The following CDH2 variants were observed in gnomAD, a reference collection of about 807,000 sequenced individuals.
CDH2 encodes cadherin 2.
Under a neutral mutation model 92.0 loss-of-function variants are expected in CDH2, and 17 were observed. The observed-to-expected ratio is 0.18, with a 90% CI of 0.13 to 0.28. The LOEUF (loss-of-function observed/expected upper bound fraction) is 0.28. Ranked by LOEUF, CDH2 falls within the 10% of genes least tolerant of loss-of-function variation. The pLI is 1.00. For missense variants in CDH2, 862 were observed against 1,133.1 expected (o/e 0.76, Z 3.44); for synonymous variants, 419 against 415.9 (o/e 1.01, Z -0.09).
intron 14 of CDH2, among the ~76,000 whole-genome samples, chr18:27,971,713 C>G (rs1485386743): frequency 2.6e-5 from 4 of 152,114 alleles, no homozygotes; most frequent in Non-Finnish European, 5.9e-5. Flanking sequence ...CAGAATCTTT[C>G]AATAACTAAT....
intron 2 of CDH2, among the ~76,000 whole-genome samples, chr18:28,042,524 C>T (rs2013967733): frequency 6.6e-6 from 1 of 152,154 alleles, no homozygotes; most frequent in African/African-American, 2.4e-5. Flanking sequence ...CAAGTTGTCT[C>T]ACTTTAACAT....
chr18:27,985,839 C>T, intron 11 of CDH2, 78 bp from the exon 12 acceptor site: 1 of 829,318 alleles, frequency 1.2e-6, no homozygotes, highest in Non-Finnish European at 1.9e-6. Context: ...ATTCTCAAAG[C>T]TTCTAACCTT....
intron 1 of CDH2, among the ~76,000 whole-genome samples, chr18:28,156,297 T>A (rs1023920083): frequency 6.6e-6 from 1 of 152,212 alleles, no homozygotes; most frequent in Non-Finnish European, 1.5e-5. Context: ...ACCTGCAAAC[T>A]GTTGAAACTG....
At chr18:28,106,950 T>C (rs2015332352) in intron 2 of CDH2, among the ~76,000 whole-genome samples, 1 of 152,126 alleles carries the variant, frequency 6.6e-6, no homozygotes, top group African/African-American at 2.4e-5. Context: ...ACTGATTAAA[T>C]ACATACTCAC....
At chr18:28,013,243 C>A (rs1170973672) in intron 3 of CDH2, among the ~76,000 whole-genome samples, 1 of 151,928 alleles carries the variant, frequency 6.6e-6, no homozygotes. Context: ...TAATTCATAC[C>A]CCCCAACTGG....
At chr18:28,144,215 C>T (rs977784424) in intron 2 of CDH2, among the ~76,000 whole-genome samples, 1 of 151,284 alleles carries the variant, frequency 6.6e-6, no homozygotes, top group South Asian at 2.1e-4. Flanking sequence ...GATCTCTGAG[C>T]TCTAATTTGC....
intron 2 of CDH2, among the ~76,000 whole-genome samples, chr18:28,058,223 G>T (rs2014333478): frequency 6.6e-6 from 1 of 152,118 alleles, no homozygotes; most frequent in Non-Finnish European, 1.5e-5. Context: ...TGATACCAAG[G>T]CATATTTTTA....
At chr18:27,957,530 G>T (rs2143868603) in intron 15 of CDH2, among the ~76,000 whole-genome samples, 1 of 152,188 alleles carries the variant, frequency 6.6e-6, no homozygotes, top group Admixed American at 6.5e-5. Flanking sequence ...GGGATTACAG[G>T]TGTGAGCTGC....
chr18:28,033,155 G>A (rs946224962), intron 2 of CDH2, among the ~76,000 whole-genome samples: 10 of 152,014 alleles, frequency 6.6e-5, no homozygotes, highest in Admixed American at 3.3e-4. Flanking sequence ...GGGCATGGAC[G>A]CCAGGCAGTG....
chr18:28,004,655 G>A (rs1396152306), intron 6 of CDH2, among the ~76,000 whole-genome samples: 1 of 152,062 alleles, frequency 6.6e-6, no homozygotes, highest in Non-Finnish European at 1.5e-5. Flanking sequence ...AGTCCCAAAA[G>A]CCCAATGTTT....
rs145613343 is a variant in CDH2 at position 28,138,544 on chromosome 18, C to T, written c.172+9129G>A. ...AGAAGAGTAAACAAGAATCCTCAAA[C>T]ATCACTGAAGAAATTGTTTGATGTT... On this transcript the variant is annotated intron_variant, in intron 2 of 15. Transcript: ENST00000269141. Among the ~76,000 whole-genome samples, 738 of 152,158 alleles carry T rather than the reference C, an allele frequency of 4.9e-3. 5 individuals are homozygous for T. The highest frequency in any genetic ancestry group is 8.0e-3 in the Non-Finnish European group (547 of 67,970).
At chr18:28,071,448 A>C (rs1200826906) in intron 2 of CDH2, among the ~76,000 whole-genome samples, 2 of 152,104 alleles carry the variant, frequency 1.3e-5, no homozygotes, top group East Asian at 3.9e-4. Context: ...AGTGGGAGGG[A>C]CATTCTGTCC....
chr18:27,966,775 T>A (rs1402967562), intron 14 of CDH2, among the ~76,000 whole-genome samples: 1 of 152,210 alleles, frequency 6.6e-6, no homozygotes, highest in Non-Finnish European at 1.5e-5. Flanking sequence ...GATAGCTTTT[T>A]CCTACTATCT....
chr18:28,018,871 G>GTT (rs1468172099), intron 2 of CDH2, among the ~76,000 whole-genome samples: 5 of 120,598 alleles, frequency 4.1e-5, no homozygotes, highest in Admixed American at 1.9e-4. Context: ...TTGCACACAC[G>GTT]TTTATATATA....
At chr18:28,067,410 T>A (rs2014530419) in intron 2 of CDH2, among the ~76,000 whole-genome samples, 1 of 152,104 alleles carries the variant, frequency 6.6e-6, no homozygotes, top group South Asian at 2.1e-4. Flanking sequence ...CCACCCAACC[T>A]TAGGCAACTA....
chr18:27,939,057 C>T (rs1300772023), intron 6 of CDH2, among the ~76,000 whole-genome samples: 1 of 152,142 alleles, frequency 6.6e-6, no homozygotes, highest in African/African-American at 2.4e-5. Flanking sequence ...GATGAATTTT[C>T]TTTCTTCCTG....
intron 2 of CDH2, among the ~76,000 whole-genome samples, chr18:28,024,244 G>C (rs1187995880): frequency 6.6e-6 from 1 of 152,012 alleles, no homozygotes; most frequent in East Asian, 1.9e-4. Context: ...CAATTTAAGA[G>C]AATCATCATT....
intron 1 of CDH2, 52 bp from the exon 2 acceptor site, chr18:28,147,836 C>G: frequency 1.0e-6 from 1 of 1,000,878 alleles, no homozygotes; most frequent in Non-Finnish European, 1.5e-6. Context: ...CTACCTCCTT[C>G]AACTGAGAAA....
chr18:28,088,317 C>A lies in CDH2; in HGVS notation c.172+59356G>T, dbSNP rs532637705. Among the ~76,000 whole-genome samples, 6 of 152,232 alleles carry A rather than the reference C, an allele frequency of 3.9e-5. No homozygotes were observed. In the South Asian group the frequency reaches 1.2e-3, roughly 32 times the overall value. ...AAAATCACTGTAGACATAGTCTTTG[C>A]CCCTTGATACTCAAAATCTAATGTG... is the stretch of plus-strand genomic sequence containing the variant. On this transcript the variant is annotated intron_variant, in intron 2 of 15. Coordinates refer to ENST00000269141, the MANE Select transcript of CDH2 (RefSeq NM_001792.5).
Sources: gnomAD v4.1 joint callset for allele counts (sites outside exome capture counted in the v4.1 genomes callset) on GRCh38, gnomAD v4.1.1 for gene constraint, MANE v1.5 for transcripts, NCBI Gene and HGNC (gene_info 2026-07-23, HGNC 2026-07-21) for gene names.